The following CFAP53 variants were observed in gnomAD, a reference collection of about 807,000 sequenced individuals.
The protein encoded by CFAP53 is cilia- and flagella-associated protein 53.
A neutral mutation model predicts 59.7 loss-of-function variants in CFAP53; 62 were observed. That is an observed-to-expected ratio of 1.04 (90% CI 0.85 to 1.28). CFAP53 has a LOEUF of 1.28. CFAP53 is among the 50% of genes most tolerant of loss of function. The pLI is 0.00. For missense variants in CFAP53, 629 were observed against 615.6 expected, an observed-to-expected ratio of 1.02 and a Z score of -0.23; for synonymous variants, 218 against 205.7, an observed-to-expected ratio of 1.06 and a Z score of -0.51.
At chr18:50,265,838 G>T (rs1413724006) in intron 1 of CFAP53, among the ~76,000 whole-genome samples, 1 of 152,190 alleles carries the variant, frequency 6.6e-6, no homozygotes, top group African/African-American at 2.4e-5. Flanking sequence ...GTTACTGGTT[G>T]AGTTGGCACA....
At position 50,238,645 on chromosome 18, in the gene CFAP53, C is replaced by T. The variant is rs756289544; in HGVS notation, c.1274G>A (p.Ser425Asn). Residue 425 changes from serine (S) to asparagine (N), a missense_variant, in exon 7 of 8, where the codon AGT becomes AAT. Coordinates refer to ENST00000398545, the MANE Select transcript of CFAP53 (RefSeq NM_145020.5). ...CTCTTCACAGTTAAGTTCTTTAAGA[C>T]TTTCATTTATGTGTTTCTGTTCCAT... is the stretch of plus-strand genomic sequence containing the variant. Reference protein sequence around the residue: ...RAMEQKHINESLKELNCEEKE... With the variant: ...RAMEQKHINENLKELNCEEKE... 12 of 1,611,964 alleles carry T rather than the reference C, an allele frequency of 7.4e-6. No individual in the cohort carries two copies. The highest frequency in any genetic ancestry group is 1.0e-5 in the Non-Finnish European group (12 of 1,179,102).
chr18:50,243,869 G>T (rs920293446), intron 5 of CFAP53, among the ~76,000 whole-genome samples: 15 of 151,834 alleles, frequency 9.9e-5, no homozygotes, highest in African/African-American at 3.4e-4. Flanking sequence ...GGAGAATGGC[G>T]TGAACCCAGG....
Position 50,242,905 on chromosome 18 carries a change from T to C in CFAP53, c.1208A>G (p.Glu403Gly), listed in dbSNP as rs1568153490. 6.2e-7 allele frequency: 1 copy of C among 1,612,498 alleles called. No individual in the cohort carries two copies. The change falls in exon 6 of 8, where the codon GAA becomes GGA. Residue 403 changes from glutamate to glycine, a missense_variant. Physicochemically the swap from Glu to Gly is moderately conservative, Grantham distance 98. Transcript: ENST00000398545. ...ACTGTAATTCAGTTCCTTACACTTT[T>C]CTTGAACTTGAAGTTTTCTTGTACA... The part of the protein sequence containing the change: ...VMCTRKLQVQ[E>G]KLQREAKEQE...
intron 5 of CFAP53, among the ~76,000 whole-genome samples, chr18:50,248,446 CTA>C (rs1381803680): frequency 6.6e-6 from 1 of 152,144 alleles, no homozygotes; most frequent in Non-Finnish European, 1.5e-5. Flanking sequence ...CATGCAATTA[CTA>C]TATGACATAG....
In CFAP53 at chr18:50,266,424, C is replaced by G. The variant is rs1422170093; in HGVS notation, c.-20G>C. 2 of 1,613,646 alleles carry G rather than the reference C, an allele frequency of 1.2e-6. No homozygotes were observed. The highest frequency in any genetic ancestry group is 1.7e-5 in the Admixed American group (1 of 60,022). ...GTACATTTTCGAGTCCCCTTCGGGA[C>G]GGGGGCGGCGTCCGCCGCGTTTCCC... On this transcript the variant is annotated 5_prime_UTR_variant, in exon 1 of 8. Transcript: ENST00000398545.
At chr18:50,252,409 CT>C (rs376273969) in intron 3 of CFAP53, among the ~76,000 whole-genome samples, 18 of 148,290 alleles carry the variant, frequency 1.2e-4, no homozygotes, top group East Asian at 2.0e-4. Context: ...CAGCTGCTCA[CT>C]TTTTTTTTTA....
Position 50,261,251 on chromosome 18 carries a change from C to CAA in CFAP53, c.300-15_300-14insTT. ...AGCTCACGTAGCCTGAAACAAAAAGCCAAAAAAAAAAAAAAAAAAAGAAAA... is the reference window on the plus strand; with the variant it reads ...AGCTCACGTAGCCTGAAACAAAAAGCAACAAAAAAAAAAAAAAAAAAAGAAAA... On this transcript the variant is annotated splice_polypyrimidine_tract_variant and intron_variant, in intron 2 of 7. Coordinates refer to ENST00000398545, the MANE Select transcript of CFAP53 (RefSeq NM_145020.5). The CAA allele has an allele frequency of 9.9e-6, 11 of 1,110,762 alleles. No homozygotes were observed. The highest frequency in any genetic ancestry group is 6.8e-5 in the South Asian group (2 of 29,252). 68.8% of individuals were successfully genotyped at this position (1,110,762 alleles called of 1,614,324 possible). A position where few individuals can be genotyped will look rare whatever the true frequency, so the allele number is the denominator to read the frequency against.
intron 7 of CFAP53, among the ~76,000 whole-genome samples, chr18:50,236,268 T>C (rs1599114954): frequency 6.6e-6 from 1 of 152,184 alleles, no homozygotes; most frequent in Non-Finnish European, 1.5e-5. Context: ...TGGCTGCCCA[T>C]TGCTTTCTTG....
At chr18:50,240,963 C>T (rs549895302) in intron 6 of CFAP53, among the ~76,000 whole-genome samples, 28 of 152,350 alleles carry the variant, frequency 1.8e-4, no homozygotes, top group African/African-American at 6.5e-4. Context: ...TGACCAAGCA[C>T]TGCTTGAAGC....
intron 3 of CFAP53, among the ~76,000 whole-genome samples, chr18:50,259,741 T>C (rs2033874828): frequency 6.6e-6 from 1 of 151,852 alleles, no homozygotes; most frequent in African/African-American, 2.4e-5. Flanking sequence ...CCAATTTTTT[T>C]ATTTTTTGTG....
intron 2 of CFAP53, among the ~76,000 whole-genome samples, chr18:50,261,640 C>T (rs192720036): frequency 6.6e-6 from 1 of 152,228 alleles, no homozygotes; most frequent in East Asian, 1.9e-4. Flanking sequence ...AATCCTCCCA[C>T]CTCAGCCTCC....
At position 50,262,020 on chromosome 18, in the gene CFAP53, A is replaced by G; in HGVS notation, c.269T>C (p.Phe90Ser). 1 of 1,613,344 alleles carries G rather than the reference A, an allele frequency of 6.2e-7. No individual in the cohort carries two copies. Among genetic ancestry groups the G allele is most frequent in the Non-Finnish European group, 8.5e-7 (1 of 1,179,286 alleles). Residue 90 changes from phenylalanine (F) to serine (S), a missense_variant, in exon 2 of 8, where the codon TTT becomes TCT. Transcript: ENST00000398545. ...RARIKDAVQG[F>S]IINIEERRNK... Reference sequence around the variant, plus strand: ...TCGTCTTTCTTCAATGTTAATGATAAACCCTTGCACAGCATCCTTGATTCT... The same window carrying G: ...TCGTCTTTCTTCAATGTTAATGATAGACCCTTGCACAGCATCCTTGATTCT...
intron 1 of CFAP53, among the ~76,000 whole-genome samples, chr18:50,263,531 G>A (rs891515467): frequency 2.6e-5 from 4 of 152,216 alleles, no homozygotes; most frequent in African/African-American, 4.8e-5. Flanking sequence ...AGAAGATGAT[G>A]CTGGGGGTTA....
At chr18:50,243,582 TGG>T (rs2033713798) in intron 5 of CFAP53, among the ~76,000 whole-genome samples, 1 of 152,216 alleles carries the variant, frequency 6.6e-6, no homozygotes, top group Non-Finnish European at 1.5e-5. Context: ...TCTCTCTGGC[TGG>T]TAGTCATTTT....
Position 50,242,936 on chromosome 18 carries a change from C to CTTGAGTACTTTCTTGTA in CFAP53, c.1176_1177insTACAAGAAAGTACTCAA (p.Val393TyrfsTer36), listed in dbSNP as rs2033705404. The CTTGAGTACTTTCTTGTA allele has an allele frequency of 6.2e-7, 1 of 1,613,718 alleles. No homozygotes were observed. Among genetic ancestry groups the CTTGAGTACTTTCTTGTA allele is most frequent in the African/African-American group, 1.3e-5 (1 of 74,928 alleles). ...ACTTGAAGTTTTCTTGTACACATGA[C>CTTGAGTACTTTCTTGTA]CTCATCCACAAGCTGTCTCCTTGCC... On this transcript the variant is annotated frameshift_variant, in exon 6 of 8. Transcript: ENST00000398545. LOFTEE classifies it high-confidence loss of function.
intron 5 of CFAP53, among the ~76,000 whole-genome samples, chr18:50,244,031 C>T (rs1008736014): frequency 2.0e-5 from 3 of 151,962 alleles, no homozygotes; most frequent in Admixed American, 6.5e-5. Context: ...ATACCTTTTA[C>T]GTTCCCCCAG....
chr18:50,265,938 A>G (rs1005984312), intron 1 of CFAP53, among the ~76,000 whole-genome samples: 7 of 152,192 alleles, frequency 4.6e-5, no homozygotes, highest in Non-Finnish European at 7.3e-5. Context: ...TCCAAATCAT[A>G]GGCCCGCCCT....
intron 5 of CFAP53, 82 bp from the exon 6 acceptor site, chr18:50,243,198 A>G (rs2033710022): frequency 1.1e-6 from 1 of 926,480 alleles, no homozygotes; most frequent in South Asian, 1.5e-5. Context: ...AATCTTTAAA[A>G]GCTCCAATCC....
At chr18:50,262,717 CAT>C (rs1009881212) in intron 1 of CFAP53, among the ~76,000 whole-genome samples, 15 of 151,960 alleles carry the variant, frequency 9.9e-5, no homozygotes, top group South Asian at 8.3e-4. Context: ...AAAAAATATA[CAT>C]GTGTGTATAT....
Sources: allele counts gnomAD v4.1 joint callset (sites outside exome capture counted in the v4.1 genomes callset), GRCh38; gene constraint gnomAD v4.1.1; transcripts MANE v1.5; gene names NCBI Gene and HGNC (gene_info 2026-07-23, HGNC 2026-07-21).